The following UPP2 variants were observed in gnomAD, a reference collection of about 807,000 sequenced individuals.
UPP2 encodes UPase 2.
A neutral mutation model predicts 26.7 loss-of-function variants in UPP2; 23 were observed. The observed-to-expected ratio is 0.86, with a 90% confidence interval of 0.62 to 1.22. The LOEUF (loss-of-function observed/expected upper bound fraction) is 1.22, where lower values mean the gene tolerates loss of function less well. UPP2 is among the 50% of genes most tolerant of loss of function. The pLI is 0.00. For synonymous variants in UPP2, 127 were observed against 141.3 expected, an observed-to-expected ratio of 0.90 and a Z score of 0.72; for missense variants, 387 against 396.7, an observed-to-expected ratio of 0.98 and a Z score of 0.21.
chr2:158,107,798 G>C (rs1481279885), intron 2 of UPP2, among the ~76,000 whole-genome samples: 1 of 152,128 alleles, frequency 6.6e-6, no homozygotes, highest in African/African-American at 2.4e-5. Flanking sequence ...CTGGCAGTGA[G>C]GTGACCCACC....
intron 5 of UPP2, among the ~76,000 whole-genome samples, chr2:158,123,236 G>C (rs753512161): frequency 2.0e-5 from 3 of 152,196 alleles, no homozygotes; most frequent in Non-Finnish European, 4.4e-5. Context: ...AAGGGGTGGC[G>C]TGCAGCCTGA....
chr2:158,129,402 T>A (rs1683762655), intron 6 of UPP2, among the ~76,000 whole-genome samples: 1 of 152,062 alleles, frequency 6.6e-6, no homozygotes, highest in South Asian at 2.1e-4. Flanking sequence ...ACGAACCAAA[T>A]CATGTGAGGC....
chr2:158,030,989 T>A (rs956461220), intron 3 of UPP2, among the ~76,000 whole-genome samples: 2 of 152,208 alleles, frequency 1.3e-5, no homozygotes, highest in Admixed American at 6.5e-5. Context: ...GTCAGTTCCC[T>A]CAACTTTCCA....
intron 3 of UPP2, among the ~76,000 whole-genome samples, chr2:158,022,647 A>G (rs1683770608): frequency 1.3e-5 from 2 of 152,154 alleles, no homozygotes; most frequent in Admixed American, 1.3e-4. Flanking sequence ...TACTGCAGGC[A>G]CAGCCCTCCA....
chr2:158,058,076 G>A lies in UPP2; in HGVS notation c.147+42190G>A, dbSNP rs182419235. ...TGGGAGGCCAAGGCGGGCGGATCAC[G>A]AGGTCAGGAGATCGAGACCATCCTA... On this transcript the variant is annotated intron_variant, in intron 3 of 9. Transcript: ENST00000605860. 3.0e-3 allele frequency among the ~76,000 whole-genome samples: 463 copies of A among 152,172 alleles called. 2 individuals carry two copies. The highest frequency in any genetic ancestry group is 5.2e-3 in the Non-Finnish European group (357 of 68,012).
chr2:158,015,772 GTCTC>G (rs1182520264), intron 2 of UPP2: 1 of 452,938 alleles, frequency 2.2e-6, no homozygotes, highest in Non-Finnish European at 4.4e-6. Flanking sequence ...TTTGCTCTCT[GTCTC>G]TCTCTCCTGC....
intron 3 of UPP2, chr2:158,065,772 C>G: frequency 2.9e-6 from 2 of 693,008 alleles, no homozygotes; most frequent in Admixed American, 4.1e-5. Context: ...TGGTGCACCA[C>G]CATCCAACCA....
chr2:158,045,802 G>T (rs899110433), intron 3 of UPP2, among the ~76,000 whole-genome samples: 2 of 152,144 alleles, frequency 1.3e-5, no homozygotes, highest in African/African-American at 4.8e-5. Context: ...GGCCACATGA[G>T]CCAGGGAAGG....
rs773476098 is a variant in UPP2 at position 158,102,089 on chromosome 2, A to G, written c.26A>G (p.Asn9Ser). ...ATGGCTTCAGTTATACCTGCCTCCA[A>G]TAGGTCCATGAGATCTGACAGGAAT... MASVIPAS[N>S]RSMRSDRNTY... The change falls in exon 1 of 7, where the codon AAT becomes AGT. Residue 9 changes from asparagine to serine, a missense_variant. Coordinates refer to ENST00000005756, the MANE Select transcript of UPP2 (RefSeq NM_173355.4). The G allele has an allele frequency of 1.2e-6, 2 of 1,613,452 alleles. No individual in the cohort carries two copies. The highest frequency in any genetic ancestry group is 1.3e-5 in the African/African-American group (1 of 74,882).
chr2:158,011,213 T>C (rs1183004752), intron 2 of UPP2, among the ~76,000 whole-genome samples: 1 of 152,010 alleles, frequency 6.6e-6, no homozygotes, highest in African/African-American at 2.4e-5. Context: ...AGAAATACAA[T>C]AGGAAATAGC....
Position 158,112,762 on chromosome 2 carries a change from A to T in UPP2, c.181-2339A>T, listed in dbSNP as rs6720259. On this transcript the variant is annotated intron_variant, in intron 2 of 6. Transcript: ENST00000005756. ...ATTCCCTTGTTAACACAGAAAATGC[A>T]TAAAATGCAATAGACCAGATTAATA... Among the ~76,000 whole-genome samples, 352 of 152,372 alleles carry T rather than the reference A, an allele frequency of 2.3e-3. 1 individual carries two copies. The highest frequency in any genetic ancestry group is 7.9e-3 in the African/African-American group (330 of 41,588).
chr2:157,995,575 A>T (rs1683312107), intron 2 of UPP2, among the ~76,000 whole-genome samples: 1 of 152,172 alleles, frequency 6.6e-6, no homozygotes, highest in African/African-American at 2.4e-5. Flanking sequence ...TGAATTCATA[A>T]TACTCTTTAA....
In UPP2 at chr2:158,080,545, C is replaced by A. The variant is rs993626339; in HGVS notation, c.148-21495C>A. On this transcript the variant is annotated intron_variant, in intron 3 of 9. Coordinates refer to the UPP2 transcript ENST00000605860. The stretch of plus-strand genomic sequence containing the variant: ...TCCATTTATCCACACACTGATTATA[C>A]CCGGAACAATGCATCATTTGGTATA... 6.6e-5 allele frequency among the ~76,000 whole-genome samples: 10 copies of A among 152,176 alleles called. No individual in the cohort carries two copies. The South Asian group carries it at 2.1e-3, about 32-fold the overall frequency.
At chr2:158,066,636 T>A (rs901540592) in intron 3 of UPP2, among the ~76,000 whole-genome samples, 37 of 151,894 alleles carry the variant, frequency 2.4e-4, no homozygotes, top group African/African-American at 8.5e-4. Context: ...GATTCTTTTT[T>A]TTTTTTTACC....
At chr2:158,113,406 T>C (rs1438110076) in intron 2 of UPP2, among the ~76,000 whole-genome samples, 1 of 152,198 alleles carries the variant, frequency 6.6e-6, no homozygotes, top group Non-Finnish European at 1.5e-5. Flanking sequence ...AATAACTAGT[T>C]TAAAACTCAC....
At chr2:158,035,310 C>T (rs759535845) in intron 3 of UPP2, among the ~76,000 whole-genome samples, 1 of 152,062 alleles carries the variant, frequency 6.6e-6, no homozygotes. Context: ...GCATGCACCA[C>T]CACGCCCAGC....
chr2:158,076,761 C>T (rs568383910), intron 3 of UPP2, among the ~76,000 whole-genome samples: 2 of 152,034 alleles, frequency 1.3e-5, no homozygotes, highest in East Asian at 1.9e-4. Context: ...ATCTGAAACA[C>T]GTCAAAGATG....
intron 3 of UPP2, chr2:158,016,010 T>A: frequency 3.8e-6 from 1 of 265,704 alleles, no homozygotes; most frequent in Non-Finnish European, 7.5e-6. Flanking sequence ...GGTAATTCTA[T>A]TTTTAATTTT....
intron 5 of UPP2, among the ~76,000 whole-genome samples, chr2:158,123,095 T>C (rs1413969447): frequency 6.6e-6 from 1 of 152,176 alleles, no homozygotes; most frequent in Non-Finnish European, 1.5e-5. Flanking sequence ...TATTTCTGGG[T>C]GTGCACAGGG....
Sources: gnomAD v4.1 joint callset for allele counts (sites outside exome capture counted in the v4.1 genomes callset) on GRCh38, gnomAD v4.1.1 for gene constraint, MANE v1.5 for transcripts, NCBI Gene and HGNC (gene_info 2026-07-23, HGNC 2026-07-21) for gene names.